The following SELENOF variants were observed in gnomAD, a reference collection of about 807,000 sequenced individuals.
SELENOF encodes 15 kDa selenoprotein.
SELENOF carries 16 observed loss-of-function variants against 20.5 expected under a neutral mutation model. That is an observed-to-expected ratio of 0.78 (90% confidence interval 0.53 to 1.19). SELENOF has a LOEUF of 1.19. Among genes scored for constraint, SELENOF ranks in the 50% most tolerant of loss-of-function variants. The probability of loss-of-function intolerance (pLI) is 0.00; values close to 1 mark genes in which losing one functional copy is unlikely to be tolerated. For synonymous variants in SELENOF, 78 were observed against 74.5 expected, an observed-to-expected ratio of 1.05 and a Z score of -0.24; for missense variants, 215 against 194.2, an observed-to-expected ratio of 1.11 and a Z score of -0.64.
At chr1:86,897,199 A>G (rs911423418) in intron 2 of SELENOF, among the ~76,000 whole-genome samples, 1 of 152,052 alleles carries the variant, frequency 6.6e-6, no homozygotes, top group Admixed American at 6.6e-5. Flanking sequence ...AGGCAGGAGA[A>G]TCTCTTGAAC....
chr1:86,863,651 C>T (rs1658517270), intron 4 of SELENOF, 46 bp from the exon 5 acceptor site: 9 of 1,587,344 alleles, frequency 5.7e-6, no homozygotes, highest in Non-Finnish European at 7.7e-6. Flanking sequence ...TCAGAAACAA[C>T]CTTCTCAGCC....
Position 86,865,822 on chromosome 1 carries a change from C to T in SELENOF, c.367-2217G>A, listed in dbSNP as rs77575189. ...AGGGCCTTGAAGAGGTATTTGCACA[C>T]CCAAATGTCATAAAAGCATTATTTA... On this transcript the variant is annotated intron_variant, in intron 4 of 4. Coordinates refer to ENST00000331835, the MANE Select transcript of SELENOF (RefSeq NM_004261.5). 3.0e-3 allele frequency among the ~76,000 whole-genome samples: 453 copies of T among 152,170 alleles called. 3 individuals carry two copies. Among genetic ancestry groups the T allele is most frequent in the African/African-American group, 9.9e-3 (409 of 41,502 alleles).
rs536249768 is a variant in SELENOF, at chr1:86,887,597, A to T, written c.253-6872T>A. Among the ~76,000 whole-genome samples the T allele has an allele frequency of 1.9e-3, 283 of 152,322 alleles. 1 individual carries two copies. The highest frequency in any genetic ancestry group is 6.4e-3 in the African/African-American group (268 of 41,578). ...AAAAAAACCCCTAAAAATGAAAATGATATCAGTGCATTCTAGGTTAGACCA... is the reference window on the plus strand; with the variant it reads ...AAAAAAACCCCTAAAAATGAAAATGTTATCAGTGCATTCTAGGTTAGACCA... On this transcript the variant is annotated intron_variant, in intron 2 of 4. Coordinates refer to ENST00000331835, the MANE Select transcript of SELENOF (RefSeq NM_004261.5).
intron 3 of SELENOF, among the ~76,000 whole-genome samples, chr1:86,872,878 T>C (rs1416184200): frequency 6.6e-6 from 1 of 151,870 alleles, no homozygotes; most frequent in Non-Finnish European, 1.5e-5. Flanking sequence ...CCGTCTCTAC[T>C]AAAAATACAA....
intron 2 of SELENOF, among the ~76,000 whole-genome samples, chr1:86,893,855 G>C (rs115086803): frequency 0.023 from 3,535 of 152,218 alleles, 128 homozygotes; most frequent in African/African-American, 0.081. Context: ...GTTCCAACTA[G>C]GAAATGGGAG....
chr1:86,872,973 G>T (rs1302567300), intron 3 of SELENOF, among the ~76,000 whole-genome samples: 2 of 151,918 alleles, frequency 1.3e-5, no homozygotes, highest in Non-Finnish European at 2.9e-5. Flanking sequence ...CTGGGAGGCG[G>T]AGCTTGCAGT....
intron 2 of SELENOF, among the ~76,000 whole-genome samples, chr1:86,891,727 CAT>C (rs535881553): frequency 2.0e-5 from 3 of 151,992 alleles, no homozygotes; most frequent in Non-Finnish European, 4.4e-5. Flanking sequence ...ATACATGAAA[CAT>C]ATATTGATAC....
intron 1 of SELENOF, among the ~76,000 whole-genome samples, chr1:86,911,425 C>CT (rs1659978300): frequency 6.6e-6 from 1 of 152,184 alleles, no homozygotes; most frequent in Non-Finnish European, 1.5e-5. Context: ...TACCTTTCTG[C>CT]TCTCCTAATA....
At chr1:86,903,247 C>G (rs370471022) in intron 2 of SELENOF, 34 bp downstream of exon 2, 2 of 1,570,428 alleles carry the variant, frequency 1.3e-6, no homozygotes, top group Admixed American at 1.9e-5. Flanking sequence ...TCAACTAAAC[C>G]ATCCAATGGA....
intron 3 of SELENOF, among the ~76,000 whole-genome samples, chr1:86,872,243 T>C (rs1658792781): frequency 6.6e-6 from 1 of 152,258 alleles, no homozygotes; most frequent in Non-Finnish European, 1.5e-5. Context: ...GTGCTTTGAA[T>C]GCAACTAACT....
chr1:86,899,677 C>T (rs1362299279), intron 2 of SELENOF, among the ~76,000 whole-genome samples: 4 of 149,710 alleles, frequency 2.7e-5, no homozygotes, highest in South Asian at 2.1e-4. Flanking sequence ...GGGCGGCTGG[C>T]CTGGCGGGGG....
At chr1:86,871,399 AAC>A (rs1177674187) in intron 3 of SELENOF, among the ~76,000 whole-genome samples, 1 of 152,220 alleles carries the variant, frequency 6.6e-6, no homozygotes, top group African/African-American at 2.4e-5. Flanking sequence ...TTGAACATAA[AAC>A]AGTCCTTCTT....
chr1:86,872,054 G>A (rs770615901), intron 3 of SELENOF, among the ~76,000 whole-genome samples: 5 of 151,850 alleles, frequency 3.3e-5, no homozygotes, highest in Non-Finnish European at 5.9e-5. Flanking sequence ...TTACCATCTG[G>A]GTTCAGTGAA....
At chr1:86,863,841 G>A (rs1658526882) in intron 4 of SELENOF, among the ~76,000 whole-genome samples, 1 of 152,022 alleles carries the variant, frequency 6.6e-6, no homozygotes, top group South Asian at 2.1e-4. Context: ...ATGAGAAAGG[G>A]TCTTGCTCTG....
chr1:86,891,067 T>C (rs79190512), intron 2 of SELENOF, among the ~76,000 whole-genome samples: 1 of 150,758 alleles, frequency 6.6e-6, no homozygotes, highest in Non-Finnish European at 1.5e-5. Context: ...TTTTTTTTTT[T>C]AGATGGAGTT....
intron 1 of SELENOF, among the ~76,000 whole-genome samples, chr1:86,911,989 C>T (rs765466216): frequency 1.6e-4 from 24 of 152,116 alleles, no homozygotes; most frequent in Non-Finnish European, 3.2e-4. Context: ...CCAGACTAGT[C>T]TTGAACTCCT....
At chr1:86,902,697 CTA>C (rs1189825782) in intron 2 of SELENOF, among the ~76,000 whole-genome samples, 1 of 152,160 alleles carries the variant, frequency 6.6e-6, no homozygotes, top group Non-Finnish European at 1.5e-5. Flanking sequence ...AGCAAGTTCA[CTA>C]TTAATTTGTT....
intron 3 of SELENOF, among the ~76,000 whole-genome samples, chr1:86,876,201 T>A (rs531381415): frequency 6.6e-6 from 1 of 151,760 alleles, no homozygotes; most frequent in African/African-American, 2.4e-5. Flanking sequence ...ACTATGAAGG[T>A]TATTACTGAG....
At position 86,863,561 on chromosome 1, in the gene SELENOF, A is replaced by G; in HGVS notation, c.411T>C (p.Asn137=). 1.2e-6 allele frequency: 2 copies of G among 1,613,672 alleles called. No homozygotes were observed. The highest frequency in any genetic ancestry group is 1.7e-6 in the Non-Finnish European group (2 of 1,179,646). The change falls in exon 5 of 5, where the codon AAT becomes AAC. Residue 137 remains asparagine, a synonymous_variant. Coordinates refer to ENST00000331835, the MANE Select transcript of SELENOF (RefSeq NM_004261.5). ...SDPVLKLLDD[N]GNIAEELSIL... is the part of the protein sequence containing the mutation. ...TGCTCAGTTCTTCAGCAATGTTCCC[A>G]TTGTCGTCCAAAAGCTTTAATACAG...
Sources: gnomAD v4.1 joint callset for allele counts (sites outside exome capture counted in the v4.1 genomes callset) on GRCh38, gnomAD v4.1.1 for gene constraint, MANE v1.5 for transcripts, NCBI Gene and HGNC (gene_info 2026-07-23, HGNC 2026-07-21) for gene names.